The following SLF1 variants were observed in gnomAD, a reference collection of about 807,000 sequenced individuals.
SLF1 encodes SMC5/6 complex localization factor 1.
In SLF1, 105 loss-of-function variants were observed where a neutral mutation model predicts 123.0. That is an observed-to-expected ratio of 0.85 (90% CI 0.73 to 1.00). The LOEUF (loss-of-function observed/expected upper bound fraction) is 1.00. SLF1 is among the 50% of genes least tolerant of loss of function. SLF1 has a pLI of 0.00. For missense variants in SLF1, 1,239 were observed against 1,223.0 expected (o/e 1.01, Z -0.20); for synonymous variants, 434 against 406.6 (o/e 1.07, Z -0.81).
chr5:94,664,046 A>G (rs867165663), intron 11 of SLF1, 138 bp downstream of exon 11: 4 of 727,788 alleles, frequency 5.5e-6, no homozygotes, highest in Middle Eastern at 7.8e-4. Context: ...TGCAGTACCC[A>G]TTTATTACTA....
At chr5:94,691,839 A>G (rs1753080082) in intron 19 of SLF1, among the ~76,000 whole-genome samples, 183 bp downstream of exon 19, 1 of 152,126 alleles carries the variant, frequency 6.6e-6, no homozygotes, top group Non-Finnish European at 1.5e-5. Context: ...ATGGTATAAA[A>G]ACATTTTTTG....
rs1210164476 is a variant in SLF1 at position 94,670,922 on chromosome 5, G to A, written c.1741G>A (p.Glu581Lys). Reference protein sequence around the residue: ...MLLEIFWSGSETSGLLTKPVN... With the variant: ...MLLEIFWSGSKTSGLLTKPVN... ...TCTTGAAATTTTTTGGTCAGGAAGT[G>A]AAACCTCTGGGCTTTTGACCAAACC... Residue 581 changes from glutamate to lysine, a missense_variant, in exon 14 of 21, where the codon GAA becomes AAA. Coordinates refer to ENST00000265140, the MANE Select transcript of SLF1 (RefSeq NM_032290.4). 2 of 1,549,894 alleles carry A rather than the reference G, an allele frequency of 1.3e-6. No individual in the cohort carries two copies. Among genetic ancestry groups the A allele is most frequent in the Non-Finnish European group, 1.7e-6 (2 of 1,145,802 alleles).
In SLF1 at chr5:94,695,039, A is replaced by T. The variant is rs1210785183; in HGVS notation, c.2904A>T (p.Ser968=). The T allele has an allele frequency of 6.2e-7, 1 of 1,612,256 alleles. No homozygotes were observed. The highest frequency in any genetic ancestry group is 8.5e-7 in the Non-Finnish European group (1 of 1,179,058). ...LLSRMLLNFC[S]IFDLSSEFIL... is the part of the protein sequence containing the mutation. ...GTAGGATGTTGCTAAATTTTTGTTC[A>T]ATTTTTGATTTATCTTCAGAGTTCA... is the stretch of plus-strand genomic sequence containing the variant. The change falls in exon 21 of 21, where the codon TCA becomes TCT. Residue 968 remains serine, a synonymous_variant. Coordinates refer to ENST00000265140, the MANE Select transcript of SLF1 (RefSeq NM_032290.4).
chr5:94,673,452 A>T (rs1277007086), intron 14 of SLF1, among the ~76,000 whole-genome samples: 1 of 152,070 alleles, frequency 6.6e-6, no homozygotes, highest in Non-Finnish European at 1.5e-5. Flanking sequence ...AAGTGGAAGG[A>T]TTGCTTGCGG....
At chr5:94,663,383 C>G (rs535055225) in intron 10 of SLF1, among the ~76,000 whole-genome samples, 17 of 152,384 alleles carry the variant, frequency 1.1e-4, no homozygotes, top group African/African-American at 3.8e-4. Flanking sequence ...GTGGCTTACG[C>G]CTATAATCCC....
intron 20 of SLF1, among the ~76,000 whole-genome samples, chr5:94,693,141 G>GATAT: frequency 6.6e-6 from 1 of 152,088 alleles, no homozygotes; most frequent in African/African-American, 2.4e-5. Context: ...ATTTTCTTAA[G>GATAT]ATGTCTTTTT....
chr5:94,681,384 G>A (rs548960819), intron 15 of SLF1, among the ~76,000 whole-genome samples: 1 of 152,272 alleles, frequency 6.6e-6, no homozygotes, highest in Non-Finnish European at 1.5e-5. Context: ...TGCCCACCTC[G>A]GCTTCCCAGG....
chr5:94,663,204 AT>A (rs905972934), intron 10 of SLF1, among the ~76,000 whole-genome samples: 1 of 152,198 alleles, frequency 6.6e-6, no homozygotes, highest in Admixed American at 6.5e-5. Flanking sequence ...TAGAGGTAGT[AT>A]TTTCCCTTAC....
intron 4 of SLF1, among the ~76,000 whole-genome samples, chr5:94,638,971 T>C (rs1276738143): frequency 1.3e-5 from 2 of 152,098 alleles, no homozygotes; most frequent in African/African-American, 2.4e-5. Context: ...CATTTAATTG[T>C]TGACAAATTG....
Position 94,653,363 on chromosome 5 carries a change from G to A in SLF1, c.974G>A (p.Gly325Asp), listed in dbSNP as rs1404297402. The A allele has an allele frequency of 2.0e-6, 3 of 1,528,168 alleles. No homozygotes were observed. The highest frequency in any genetic ancestry group is 2.5e-5 in the South Asian group (2 of 79,364). The allele number at this position is 1,528,168 out of a possible 1,614,324, so 94.7% of individuals were successfully genotyped here. A position where few individuals can be genotyped will look rare whatever the true frequency, so the allele number is the denominator to read the frequency against. Residue 325 changes from glycine (G) to aspartate (D), a missense_variant, in exon 8 of 21, where the codon GGC (glycine) becomes GAC (aspartate). By Grantham distance (94) the Gly-to-Asp change is moderately conservative. Coordinates refer to ENST00000265140, the MANE Select transcript of SLF1 (RefSeq NM_032290.4). The part of the protein sequence containing the change: ...KKGKESNCKK[G>D]VEHEKIKSTL... Reference sequence around the variant, plus strand: ...GGAAAAGAAAGCAATTGCAAGAAAGGCGTTGAACATGAAAAAATAAAAAGT... The same window carrying A: ...GGAAAAGAAAGCAATTGCAAGAAAGACGTTGAACATGAAAAAATAAAAAGT...
rs1752613273 is a variant in SLF1, at chr5:94,687,849, G to C, written c.2122-657G>C. ...TAGGTTATTATTTTGGAAAGAACTA[G>C]ATCCAACAAAATTCTAAATGGTATT... On this transcript the variant is annotated intron_variant, in intron 16 of 20. Coordinates refer to ENST00000265140, the MANE Select transcript of SLF1 (RefSeq NM_032290.4). Among the ~76,000 whole-genome samples, 4 of 152,100 alleles carry C rather than the reference G, an allele frequency of 2.6e-5. No homozygotes were observed. In the South Asian group the frequency reaches 8.3e-4, roughly 32 times the overall value.
intron 1 of SLF1, among the ~76,000 whole-genome samples, chr5:94,625,192 C>CA (rs754127514): frequency 0.03 from 3,030 of 101,442 alleles, 128 homozygotes; most frequent in African/African-American, 0.098. Context: ...GACTCCGTCT[C>CA]AAAAAAAAAA....
At chr5:94,636,598 T>G (rs929386714) in intron 4 of SLF1, among the ~76,000 whole-genome samples, 13 of 152,214 alleles carry the variant, frequency 8.5e-5, no homozygotes, top group African/African-American at 2.9e-4. Flanking sequence ...TCTCCAAAAT[T>G]TCCTATTTTG....
At chr5:94,654,963 G>A (rs1267028084) in intron 9 of SLF1, among the ~76,000 whole-genome samples, 2 of 152,102 alleles carry the variant, frequency 1.3e-5, no homozygotes, top group African/African-American at 4.8e-5. Flanking sequence ...CCTCAATAAT[G>A]TCACAGATAA....
At chr5:94,686,799 T>G (rs1022476720) in intron 16 of SLF1, 81 bp downstream of exon 16, 33 of 1,430,430 alleles carry the variant, frequency 2.3e-5, no homozygotes, top group Non-Finnish European at 3.0e-5. Context: ...AGTTATTTAT[T>G]TATTTTGAGA....
At chr5:94,678,594 A>G in intron 14 of SLF1, 1 of 378,044 alleles carries the variant, frequency 2.6e-6, no homozygotes, top group Non-Finnish European at 4.6e-6. Context: ...GTCCTTGGAA[A>G]ATTTGCTTTG....
At chr5:94,625,192 C>CAA (rs754127514) in intron 1 of SLF1, among the ~76,000 whole-genome samples, 2 of 101,516 alleles carry the variant, frequency 2.0e-5, no homozygotes, top group African/African-American at 7.1e-5. Flanking sequence ...GACTCCGTCT[C>CAA]AAAAAAAAAA....
intron 4 of SLF1, among the ~76,000 whole-genome samples, chr5:94,641,211 T>C (rs919819118): frequency 7.9e-6 from 1 of 127,342 alleles, no homozygotes; most frequent in Non-Finnish European, 1.6e-5. Context: ...AAAACTCATG[T>C]TGAAATTTAA....
intron 4 of SLF1, among the ~76,000 whole-genome samples, chr5:94,631,801 A>G (rs385232): frequency 0.98 from 149,496 of 152,268 alleles, 73,401 homozygotes; most frequent in East Asian, 1. Flanking sequence ...GATGGCAATT[A>G]TGTGTGTAAC....
Sources: allele counts gnomAD v4.1 joint callset (sites outside exome capture counted in the v4.1 genomes callset), GRCh38; gene constraint gnomAD v4.1.1; transcripts MANE v1.5; gene names NCBI Gene and HGNC (gene_info 2026-07-23, HGNC 2026-07-21).